Variants in DTNBP1 observed in about 807,000 individuals in gnomAD.
DTNBP1 encodes the protein dystrobrevin binding protein 1.
A neutral mutation model predicts 42.8 loss-of-function variants in DTNBP1; 35 were observed. The ratio of observed to expected loss-of-function variants is 0.82; its 90% confidence interval spans 0.63 to 1.09. The LOEUF is 1.09. Among genes scored for constraint, DTNBP1 ranks in the 50% least tolerant of loss-of-function variants. DTNBP1 has a pLI of 0.00. For missense variants in DTNBP1, 457 were observed against 424.2 expected, an observed-to-expected ratio of 1.08 and a Z score of -0.68; for synonymous variants, 171 against 162.2, an observed-to-expected ratio of 1.05 and a Z score of -0.41.
chr6:15,606,005 C>T (rs751341363), intron 6 of DTNBP1, among the ~76,000 whole-genome samples: 4 of 152,210 alleles, frequency 2.6e-5, no homozygotes, highest in Non-Finnish European at 5.9e-5. Context: ...TTTCCCCGTA[C>T]AACCACACAA....
chr6:15,557,065 T>C (rs1345981220), intron 7 of DTNBP1, among the ~76,000 whole-genome samples: 3 of 152,164 alleles, frequency 2.0e-5, no homozygotes, highest in African/African-American at 7.2e-5. Context: ...TGCACTTCTG[T>C]CTGGTGTCCT....
intron 7 of DTNBP1, among the ~76,000 whole-genome samples, chr6:15,584,792 C>A (rs1257422936): frequency 1.4e-5 from 2 of 141,354 alleles, no homozygotes; most frequent in Admixed American, 7.3e-5. Context: ...ATAACGTATG[C>A]CAACTAAAAG....
chr6:15,558,117 T>A (rs999687919), intron 7 of DTNBP1, among the ~76,000 whole-genome samples: 1 of 151,654 alleles, frequency 6.6e-6, no homozygotes, highest in Non-Finnish European at 1.5e-5. Flanking sequence ...AATTATATTA[T>A]GTTAAATTAT....
chr6:15,523,079 C>T lies in DTNBP1; in HGVS notation c.952G>A (p.Val318Ile), dbSNP rs753546693. 34 of 1,614,024 alleles carry T rather than the reference C, an allele frequency of 2.1e-5. No individual in the cohort carries two copies. The highest frequency in any genetic ancestry group is 1.6e-4 in the South Asian group (15 of 91,086). The change falls in exon 10 of 10, where the codon GTT becomes ATT. Residue 318 changes from valine (V) to isoleucine (I), a missense_variant. Physicochemically the swap from Val to Ile is conservative, Grantham distance 29 (BLOSUM62 3). Coordinates refer to ENST00000344537, the MANE Select transcript of DTNBP1 (RefSeq NM_032122.5). The stretch of plus-strand genomic sequence containing the variant: ...ACTTCCTCCTCATCGGACTGAACAA[C>T]GGGGGACTCCCCACCCTCACTGATG... Reference protein sequence around the residue: ...RDISEGGESPVVQSDEEEVQV... With the variant: ...RDISEGGESPIVQSDEEEVQV...
intron 3 of DTNBP1, among the ~76,000 whole-genome samples, chr6:15,646,167 A>G (rs1562011220): frequency 1.3e-5 from 2 of 151,794 alleles, no homozygotes; most frequent in African/African-American, 4.8e-5. Context: ...TAAAAATTAA[A>G]AAATAAATAA....
intron 7 of DTNBP1, among the ~76,000 whole-genome samples, chr6:15,581,033 G>A (rs1011654139): frequency 3.3e-5 from 5 of 152,172 alleles, no homozygotes; most frequent in Admixed American, 2.0e-4. Flanking sequence ...TAGAGAGTGT[G>A]AACTGTCAAC....
chr6:15,600,091 T>C (rs1425536841), intron 6 of DTNBP1, among the ~76,000 whole-genome samples: 38 of 152,108 alleles, frequency 2.5e-4, no homozygotes, highest in Non-Finnish European at 5.9e-5. Flanking sequence ...ATATTCCTGA[T>C]CAAGCGGCAC....
At chr6:15,624,140 C>T (rs753538353) in intron 5 of DTNBP1, among the ~76,000 whole-genome samples, 4 of 152,190 alleles carry the variant, frequency 2.6e-5, no homozygotes, top group Admixed American at 6.5e-5. Flanking sequence ...TAAGTGGTTA[C>T]GTTTGTCATC....
chr6:15,568,682 G>A lies in DTNBP1; in HGVS notation c.511+24377C>T, dbSNP rs1029979251. Among the ~76,000 whole-genome samples the A allele has an allele frequency of 3.3e-5, 5 of 152,218 alleles. No homozygotes were observed. In the East Asian group the frequency reaches 5.8e-4, roughly 18 times the overall value. On this transcript the variant is annotated intron_variant, in intron 7 of 9. Transcript: ENST00000344537. ...TACTCTATGTGAAAACAATGAGGAC[G>A]AAGATCTTCATAATGGTCCACTTCC...
chr6:15,572,667 A>C (rs946281333), intron 7 of DTNBP1, among the ~76,000 whole-genome samples: 3 of 152,216 alleles, frequency 2.0e-5, no homozygotes, highest in African/African-American at 7.2e-5. Context: ...ACTGAGGCTC[A>C]GAGAGGTGAG....
At chr6:15,557,440 A>G (rs1561957677) in intron 7 of DTNBP1, among the ~76,000 whole-genome samples, 1 of 152,186 alleles carries the variant, frequency 6.6e-6, no homozygotes, top group Non-Finnish European at 1.5e-5. Flanking sequence ...GAATATTGAA[A>G]TAAAAGCACT....
intron 6 of DTNBP1, among the ~76,000 whole-genome samples, chr6:15,594,260 C>T (rs1000693661): frequency 2.0e-5 from 3 of 151,826 alleles, no homozygotes; most frequent in Admixed American, 1.3e-4. Flanking sequence ...GTCAGGAGTT[C>T]GAGATCAGCC....
chr6:15,634,344 T>C (rs938067385), intron 4 of DTNBP1, among the ~76,000 whole-genome samples: 3 of 152,102 alleles, frequency 2.0e-5, no homozygotes, highest in African/African-American at 7.2e-5. Flanking sequence ...ATAAACAGAG[T>C]CTTGCTCTGT....
At chr6:15,645,906 C>T (rs1369587028) in intron 3 of DTNBP1, among the ~76,000 whole-genome samples, 3 of 152,008 alleles carry the variant, frequency 2.0e-5, no homozygotes, top group African/African-American at 7.2e-5. Context: ...CTCACCACTC[C>T]TATTCAACAT....
At chr6:15,552,866 C>T (rs1774290019) in intron 7 of DTNBP1, among the ~76,000 whole-genome samples, 1 of 152,046 alleles carries the variant, frequency 6.6e-6, no homozygotes. Flanking sequence ...ACTTTCAGGT[C>T]TTCTATGTTC....
chr6:15,641,215 G>A (rs994124334), intron 3 of DTNBP1, among the ~76,000 whole-genome samples: 10 of 152,162 alleles, frequency 6.6e-5, no homozygotes, highest in Non-Finnish European at 1.2e-4. Context: ...TGGTGTGTGT[G>A]CGTGTTTTTG....
intron 6 of DTNBP1, among the ~76,000 whole-genome samples, chr6:15,605,918 C>A (rs1758024373): frequency 1.3e-5 from 2 of 152,144 alleles, no homozygotes; most frequent in Admixed American, 1.3e-4. Flanking sequence ...AATGTCCGTT[C>A]CAGTCTACAA....
chr6:15,604,975 G>A (rs934552393), intron 6 of DTNBP1, among the ~76,000 whole-genome samples: 3 of 152,138 alleles, frequency 2.0e-5, no homozygotes, highest in African/African-American at 7.2e-5. Context: ...GAGTCAGTAT[G>A]CCCCTAAGCA....
chr6:15,544,928 G>A (rs534762994), intron 7 of DTNBP1, among the ~76,000 whole-genome samples: 2 of 152,062 alleles, frequency 1.3e-5, no homozygotes, highest in Non-Finnish European at 1.5e-5. Flanking sequence ...TTAGTTCCCT[G>A]AGCTTAGTAA....
Sources: gnomAD v4.1 joint callset for allele counts (sites outside exome capture counted in the v4.1 genomes callset) on GRCh38, gnomAD v4.1.1 for gene constraint, MANE v1.5 for transcripts, NCBI Gene and HGNC (gene_info 2026-07-23, HGNC 2026-07-21) for gene names.